Variants in FHIT observed in about 807,000 individuals in gnomAD.
FHIT encodes bis(5'-adenosyl)-triphosphatase.
In FHIT, 19 loss-of-function variants were observed where a neutral mutation model predicts 17.9. That is an observed-to-expected ratio of 1.06 (90% CI 0.74 to 1.56). FHIT has a LOEUF of 1.56. Ranked by LOEUF, FHIT falls within the 40% of genes most tolerant of loss-of-function variation. The pLI is 0.00. For missense variants in FHIT, 248 were observed against 189.2 expected (o/e 1.31, Z -1.82); for synonymous variants, 81 against 69.7 (o/e 1.16, Z -0.81).
chr3:60,240,714 T>C (rs554496277), intron 5 of FHIT, among the ~76,000 whole-genome samples: 2 of 152,012 alleles, frequency 1.3e-5, no homozygotes, highest in South Asian at 2.1e-4. Context: ...GAAAGGAGGG[T>C]TCAACCTGCA....
chr3:60,506,880 G>A (rs933792090), intron 5 of FHIT, among the ~76,000 whole-genome samples: 1 of 152,092 alleles, frequency 6.6e-6, no homozygotes, highest in Non-Finnish European at 1.5e-5. Flanking sequence ...AAGATTCCAG[G>A]TTGTTGCCCC....
intron 8 of FHIT, among the ~76,000 whole-genome samples, chr3:59,851,889 G>A (rs1701953392): frequency 6.6e-6 from 1 of 152,144 alleles, no homozygotes; most frequent in Non-Finnish European, 1.5e-5. Flanking sequence ...AAACTAGTAA[G>A]AAGGTCCCAA....
At chr3:61,042,530 A>ACATTT (rs2033569218) in intron 2 of FHIT, among the ~76,000 whole-genome samples, 2 of 152,176 alleles carry the variant, frequency 1.3e-5, no homozygotes, top group African/African-American at 4.8e-5. Flanking sequence ...TATATATTTG[A>ACATTT]CATTTTACAC....
intron 2 of FHIT, among the ~76,000 whole-genome samples, chr3:61,139,967 C>CTCATCA (rs2037029385): frequency 6.6e-6 from 1 of 150,882 alleles, no homozygotes; most frequent in South Asian, 2.1e-4. Context: ...AAGTATTTAA[C>CTCATCA]TCATCATCAT....
At chr3:60,607,411 T>C (rs1286386355) in intron 4 of FHIT, among the ~76,000 whole-genome samples, 2 of 151,710 alleles carry the variant, frequency 1.3e-5, no homozygotes, top group Non-Finnish European at 2.9e-5. Flanking sequence ...GTAGAATTCT[T>C]TTTTAGGATG....
At chr3:60,189,321 T>G (rs1702299119) in intron 5 of FHIT, among the ~76,000 whole-genome samples, 1 of 152,184 alleles carries the variant, frequency 6.6e-6, no homozygotes. Context: ...TTCATCCTAT[T>G]TTAAAAGTTC....
chr3:60,359,907 T>A (rs902880301), intron 5 of FHIT, among the ~76,000 whole-genome samples: 2 of 151,008 alleles, frequency 1.3e-5, no homozygotes, highest in Admixed American at 6.6e-5. Flanking sequence ...GTAGCAGAGA[T>A]CCTTAAAAGC....
intron 7 of FHIT, among the ~76,000 whole-genome samples, chr3:59,995,780 C>G (rs150601471): frequency 1.3e-5 from 2 of 152,038 alleles, no homozygotes; most frequent in Non-Finnish European, 1.5e-5. Flanking sequence ...AGAACCAACT[C>G]GGCACGTTCC....
intron 4 of FHIT, among the ~76,000 whole-genome samples, chr3:60,590,781 A>G (rs1195230038): frequency 6.6e-6 from 1 of 152,062 alleles, no homozygotes; most frequent in Non-Finnish European, 1.5e-5. Flanking sequence ...GAGACCCTGC[A>G]CTCGAGTTAG....
chr3:60,466,545 C>A (rs567811400), intron 5 of FHIT, among the ~76,000 whole-genome samples: 2 of 151,982 alleles, frequency 1.3e-5, no homozygotes, highest in South Asian at 2.1e-4. Context: ...AAGGTATGTT[C>A]CTTCTATACA....
chr3:60,189,459 T>G (rs1382013825), intron 5 of FHIT, among the ~76,000 whole-genome samples: 1 of 149,632 alleles, frequency 6.7e-6, no homozygotes, highest in African/African-American at 2.5e-5. Context: ...TTTCATACTT[T>G]AGATACTTTA....
intron 5 of FHIT, among the ~76,000 whole-genome samples, chr3:60,141,606 C>G (rs1291518240): frequency 6.6e-6 from 1 of 152,064 alleles, no homozygotes; most frequent in East Asian, 1.9e-4. Context: ...GATATGTCAA[C>G]AAATATATTC....
chr3:60,671,875 A>G (rs2040514061), intron 4 of FHIT, among the ~76,000 whole-genome samples: 1 of 151,998 alleles, frequency 6.6e-6, no homozygotes, highest in Non-Finnish European at 1.5e-5. Context: ...ACTTGAAACC[A>G]GGAGAAGAAG....
chr3:60,939,958 T>C (rs1553774078), intron 3 of FHIT, among the ~76,000 whole-genome samples: 1 of 152,128 alleles, frequency 6.6e-6, no homozygotes, highest in East Asian at 1.9e-4. Context: ...AGAAAAATCA[T>C]ATTGTACTTT....
chr3:61,167,407 C>G (rs1484221755), intron 2 of FHIT, among the ~76,000 whole-genome samples: 1 of 151,344 alleles, frequency 6.6e-6, no homozygotes, highest in African/African-American at 2.4e-5. Flanking sequence ...GAGGCTGAGG[C>G]GGGCAGATCA....
chr3:60,113,882 G>C (rs550688397), intron 5 of FHIT, among the ~76,000 whole-genome samples: 1 of 147,622 alleles, frequency 6.8e-6, no homozygotes, highest in Non-Finnish European at 1.5e-5. Flanking sequence ...GGCGCCTGTA[G>C]TCCCAGCTAC....
intron 5 of FHIT, among the ~76,000 whole-genome samples, chr3:60,064,227 A>T (rs967831888): frequency 6.6e-6 from 1 of 152,204 alleles, no homozygotes; most frequent in African/African-American, 2.4e-5. Flanking sequence ...ACATAAAAGT[A>T]AAATAATTAC....
At chr3:60,678,006 G>A (rs1252261022) in intron 4 of FHIT, among the ~76,000 whole-genome samples, 1 of 151,982 alleles carries the variant, frequency 6.6e-6, no homozygotes, top group Non-Finnish European at 1.5e-5. Flanking sequence ...GGTATCATTT[G>A]TAATGTCTTC....
chr3:60,408,888 A>G (rs2107217840), intron 5 of FHIT, among the ~76,000 whole-genome samples: 1 of 152,314 alleles, frequency 6.6e-6, no homozygotes, highest in East Asian at 1.9e-4. Flanking sequence ...CTTTCCTGAG[A>G]GAATTTATGA....
Sources: gnomAD v4.1 joint callset for allele counts (sites outside exome capture counted in the v4.1 genomes callset) on GRCh38, gnomAD v4.1.1 for gene constraint, MANE v1.5 for transcripts, NCBI Gene and HGNC (gene_info 2026-07-23, HGNC 2026-07-21) for gene names.